The following NFILZ variants were observed in gnomAD, a reference collection of about 807,000 sequenced individuals.
NFILZ encodes the protein NFIL3 like protein.
chr19:8,631,289 C>A (rs1436146896), intron 1 of NFILZ, among the ~76,000 whole-genome samples: 1 of 152,258 alleles, frequency 6.6e-6, no homozygotes, highest in South Asian at 2.1e-4. Flanking sequence ...AGGCTGGCAC[C>A]CCACAGCTCT....
intron 3 of NFILZ, among the ~76,000 whole-genome samples, chr19:8,654,609 C>G (rs1009202524): frequency 2.0e-5 from 3 of 151,706 alleles, no homozygotes; most frequent in Non-Finnish European, 4.4e-5. Flanking sequence ...AGAAAGCGAG[C>G]CTTGCCTCAA....
intron 3 of NFILZ, among the ~76,000 whole-genome samples, chr19:8,662,694 T>C (rs2043037496): frequency 6.6e-6 from 1 of 151,180 alleles, no homozygotes; most frequent in South Asian, 2.1e-4. Context: ...TGGTGTGCAG[T>C]GACACGATCT....
chr19:8,663,750 G>GTGTGTGTATGTGTGTGTGTATGTGTGTA (rs1555674964), intron 3 of NFILZ, among the ~76,000 whole-genome samples: 18 of 136,968 alleles, frequency 1.3e-4, no homozygotes, highest in African/African-American at 4.7e-4. Flanking sequence ...GTGTGTGTGT[G>GTGTGTGTATGTGTGTGTGTATGTGTGTA]TGTGTGTGTG....
At chr19:8,646,088 G>A (rs915234219) in intron 3 of NFILZ, among the ~76,000 whole-genome samples, 1 of 151,890 alleles carries the variant, frequency 6.6e-6, no homozygotes, top group Non-Finnish European at 1.5e-5. Flanking sequence ...CCAGGCTGGA[G>A]TCCAGTGGCG....
intron 3 of NFILZ, among the ~76,000 whole-genome samples, chr19:8,663,792 G>C (rs988058124): frequency 1.4e-4 from 21 of 151,420 alleles, no homozygotes; most frequent in African/African-American, 1.9e-4. Context: ...GTTTGTTGTG[G>C]GGGGGACTTG....
intron 3 of NFILZ, among the ~76,000 whole-genome samples, chr19:8,667,488 A>T (rs2043067556): frequency 6.6e-6 from 1 of 152,120 alleles, no homozygotes; most frequent in African/African-American, 2.4e-5. Flanking sequence ...CAAGTTTCTA[A>T]TCTAACATGG....
intron 3 of NFILZ, among the ~76,000 whole-genome samples, chr19:8,661,881 T>A (rs1555749159): frequency 6.6e-6 from 1 of 151,822 alleles, no homozygotes; most frequent in East Asian, 1.9e-4. Context: ...TGAGATTCTG[T>A]CTCAAAACAC....
At chr19:8,632,167 C>T (rs566896434) in intron 1 of NFILZ, among the ~76,000 whole-genome samples, 129 of 151,860 alleles carry the variant, frequency 8.5e-4, no homozygotes, top group African/African-American at 3.0e-3. Context: ...CCGCGCCCGG[C>T]CGCCCTTGTG....
intron 3 of NFILZ, among the ~76,000 whole-genome samples, chr19:8,640,116 C>T (rs994645133): frequency 2.0e-5 from 3 of 152,008 alleles, no homozygotes; most frequent in African/African-American, 7.2e-5. Flanking sequence ...CTCATGGTTG[C>T]GTCTTGGCCT....
At chr19:8,663,035 C>A (rs1180196301) in intron 3 of NFILZ, among the ~76,000 whole-genome samples, 1 of 151,388 alleles carries the variant, frequency 6.6e-6, no homozygotes, top group Non-Finnish European at 1.5e-5. Flanking sequence ...GCAACCTTGA[C>A]CTCCTGGGCT....
intron 3 of NFILZ, among the ~76,000 whole-genome samples, chr19:8,656,176 A>G (rs1050476270): frequency 6.6e-6 from 1 of 150,622 alleles, no homozygotes; most frequent in African/African-American, 2.5e-5. Context: ...CGTTCTCCCT[A>G]CAGCCCACCT....
At chr19:8,631,805 GGCTTGGTCACTCCAGTCCTC>G (rs1239294295) in intron 1 of NFILZ, among the ~76,000 whole-genome samples, 2 of 151,192 alleles carry the variant, frequency 1.3e-5, no homozygotes, top group African/African-American at 4.9e-5. Context: ...GGACCCTGGG[GGCTTGGTCACTCCAGTCCTC>G]GCTTTTGTGT....
At chr19:8,631,796 G>T (rs2042870908) in intron 1 of NFILZ, among the ~76,000 whole-genome samples, 1 of 151,758 alleles carries the variant, frequency 6.6e-6, no homozygotes, top group South Asian at 2.1e-4. Context: ...TAGTGATGGG[G>T]ACCCTGGGGG....
chr19:8,656,412 AAACCCACCTCTTTCCGC>A lies in NFILZ; in HGVS notation c.-163-18137_-163-18121del, dbSNP rs1239813546. ...TCTCCCGCAGCCCACCTTCTCTCTG[AAACCCACCTCTTTCCGC>A]AGCCCACCTTCTCCTCGAAGCCCAC... On this transcript the variant is annotated intron_variant, in intron 3 of 5. Transcript: ENST00000691075. Among the ~76,000 whole-genome samples, 349 of 107,148 alleles carry A rather than the reference AAACCCACCTCTTTCCGC, an allele frequency of 3.3e-3. 4 individuals are homozygous for A. The highest frequency in any genetic ancestry group is 4.5e-3 in the Middle Eastern group (1 of 220). 70.3% of individuals were successfully genotyped at this position (107,148 alleles called of 152,430 possible).
chr19:8,655,847 C>T (rs1555748269), intron 3 of NFILZ, among the ~76,000 whole-genome samples: 1 of 152,048 alleles, frequency 6.6e-6, no homozygotes, highest in African/African-American at 2.4e-5. Context: ...GTCTCTTTCT[C>T]TCTCTGTGTC....
intron 3 of NFILZ, among the ~76,000 whole-genome samples, chr19:8,656,234 C>A (rs1240904928): frequency 1.9e-5 from 2 of 107,456 alleles, no homozygotes; most frequent in Non-Finnish European, 4.3e-5. Context: ...CTCCCAGAAA[C>A]CCTCCTGCCT....
At chr19:8,654,215 A>C (rs1315915941) in intron 3 of NFILZ, among the ~76,000 whole-genome samples, 1 of 148,220 alleles carries the variant, frequency 6.7e-6, no homozygotes, top group African/African-American at 2.5e-5. Context: ...CTGGGCAACA[A>C]GAGTGAAATT....
chr19:8,649,378 ACCTCAG>A lies in NFILZ; in HGVS notation c.-164+13637_-164+13642del, dbSNP rs2042955486. 2.0e-5 allele frequency among the ~76,000 whole-genome samples: 3 copies of A among 151,954 alleles called. No individual in the cohort carries two copies. The South Asian group carries it at 6.2e-4, about 32-fold the overall frequency. ...CCTCCCGAGTTCAAGCGATTCTTCTACCTCAGCCTCCTGAGTAGCTGGGATTACAGG... is the reference window on the plus strand; with the variant it reads ...CCTCCCGAGTTCAAGCGATTCTTCTACCTCCTGAGTAGCTGGGATTACAGG... On this transcript the variant is annotated intron_variant, in intron 3 of 5. Transcript: ENST00000691075.
chr19:8,641,559 A>G (rs1555746669), intron 3 of NFILZ, among the ~76,000 whole-genome samples: 1 of 152,190 alleles, frequency 6.6e-6, no homozygotes, highest in East Asian at 1.9e-4. Context: ...CCTCTGATCT[A>G]GCTTGGTTCT....
Sources: gnomAD v4.1 joint callset for allele counts (sites outside exome capture counted in the v4.1 genomes callset) on GRCh38, gnomAD v4.1.1 for gene constraint, MANE v1.5 for transcripts, NCBI Gene and HGNC (gene_info 2026-07-23, HGNC 2026-07-21) for gene names.